The following RUNX1T1 variants were observed in gnomAD, a reference collection of about 807,000 sequenced individuals.
RUNX1T1 encodes RUNX1 partner transcriptional co-repressor 1, also known as protein CBFA2T1.
RUNX1T1 carries 4 observed loss-of-function variants against 62.8 expected under a neutral mutation model. That is an observed-to-expected ratio of 0.06 (90% confidence interval 0.03 to 0.15). RUNX1T1 has a LOEUF of 0.15. Ranked by LOEUF, RUNX1T1 falls within the 10% of genes least tolerant of loss-of-function variation. The probability of loss-of-function intolerance (pLI) is 1.00; values close to 1 mark genes in which losing one functional copy is unlikely to be tolerated. For synonymous variants in RUNX1T1, 291 were observed against 286.0 expected (o/e 1.02, Z -0.18); for missense variants, 508 against 754.3 (o/e 0.67, Z 3.82).
In RUNX1T1 at chr8:92,081,920, C is replaced by G. The variant is rs189363727; in HGVS notation, c.-85-5783G>C. 3.3e-5 allele frequency among the ~76,000 whole-genome samples: 5 copies of G among 152,224 alleles called. No homozygotes were observed. The East Asian group carries it at 7.7e-4, about 24-fold the overall frequency. On this transcript the variant is annotated intron_variant, in intron 1 of 11. Coordinates refer to the RUNX1T1 transcript ENST00000265814. Reference sequence around the variant, plus strand: ...TATTTATTTGAGATGGAGTCTCACTCTGTCGCCCAGGCTGGAGTGAAGTGG... The same window carrying G: ...TATTTATTTGAGATGGAGTCTCACTGTGTCGCCCAGGCTGGAGTGAAGTGG...
At chr8:92,037,242 T>C (rs75133590) in intron 1 of RUNX1T1, among the ~76,000 whole-genome samples, 1,609 of 152,316 alleles carry the variant, frequency 0.011, 21 homozygotes, top group African/African-American at 0.036. Context: ...ATGCTGATGT[T>C]GAGAAGGAGG....
At chr8:91,994,735 T>A (rs1422746870) in intron 5 of RUNX1T1, 2 of 398,688 alleles carry the variant, frequency 5.0e-6, no homozygotes, top group African/African-American at 4.1e-5. Flanking sequence ...TTCTCAAGAT[T>A]TAAAGTGCCA....
At chr8:91,986,210 T>C (rs370567980) in exon 8 of RUNX1T1, 7 of 1,614,016 alleles carry the variant, frequency 4.3e-6, no homozygotes, top group South Asian at 1.1e-5. Context: ...GTCCTCGGCG[T>C]CACTGTACCG....
chr8:92,084,581 A>AGATC (rs1293307674), intron 1 of RUNX1T1, among the ~76,000 whole-genome samples: 2 of 152,302 alleles, frequency 1.3e-5, no homozygotes, highest in African/African-American at 4.8e-5. Flanking sequence ...AAAGTACCCC[A>AGATC]ACTGTTCCAG....
exon 11 of RUNX1T1, chr8:91,959,873 C>A: frequency 3.4e-6 from 1 of 297,936 alleles, no homozygotes; most frequent in Non-Finnish European, 6.4e-6. Flanking sequence ...CAGCAATTAG[C>A]AATCTCTTGG....
At chr8:92,045,133 A>T (rs924222282) in intron 1 of RUNX1T1, among the ~76,000 whole-genome samples, 2 of 152,066 alleles carry the variant, frequency 1.3e-5, no homozygotes, top group African/African-American at 2.4e-5. Context: ...ATGGAAAATA[A>T]AAGTATAGAA....
intron 4 of RUNX1T1, 82 bp downstream of exon 5, chr8:92,010,919 TA>T (rs1821799670): frequency 1.3e-6 from 1 of 749,798 alleles, no homozygotes; most frequent in Non-Finnish European, 2.4e-6. Flanking sequence ...AAAGAGCCCC[TA>T]AATGTACTAA....
chr8:92,027,742 T>C (rs1825483373), intron 1 of RUNX1T1, among the ~76,000 whole-genome samples: 1 of 152,130 alleles, frequency 6.6e-6, no homozygotes, highest in Admixed American at 6.5e-5. Context: ...CTATGGTCTT[T>C]AATGGGAGTG....
In RUNX1T1 at chr8:92,068,537, G is replaced by A. The variant is rs866146570; in HGVS notation, c.88+7428C>T. Among the ~76,000 whole-genome samples the A allele has an allele frequency of 1.9e-4, 29 of 152,058 alleles. 1 individual carries two copies. The highest frequency in any genetic ancestry group is 1.5e-4 in the Non-Finnish European group (10 of 68,000). On this transcript the variant is annotated intron_variant, in intron 2 of 11. Transcript: ENST00000265814. The stretch of plus-strand genomic sequence containing the variant: ...TCGAGAGCTCTGTGGGGCTATTCAT[G>A]ACATACCAATTTCACATTTTCTGCT...
intron 1 of RUNX1T1, among the ~76,000 whole-genome samples, chr8:92,020,384 AG>A (rs1823847617): frequency 6.6e-6 from 1 of 152,216 alleles, no homozygotes; most frequent in Non-Finnish European, 1.5e-5. Flanking sequence ...TTCAAATTAG[AG>A]GACATGGTAA....
chr8:92,061,610 C>T (rs926266573), intron 1 of RUNX1T1, among the ~76,000 whole-genome samples: 30 of 152,194 alleles, frequency 2.0e-4, no homozygotes, highest in Non-Finnish European at 1.9e-4. Context: ...CTTCAAACAA[C>T]TGGCAATACC....
chr8:91,959,419 TG>T (rs1809891279), exon 11 of RUNX1T1: 1 of 66,110 alleles, frequency 1.5e-5, no homozygotes, highest in Non-Finnish European at 2.8e-5. Context: ...TACTTGTGTG[TG>T]TGTGTGTGTG....
chr8:91,991,834 G>T (rs200629809), exon 6 of RUNX1T1: 137 of 1,614,010 alleles, frequency 8.5e-5, no homozygotes, highest in Non-Finnish European at 1.1e-4. Flanking sequence ...GTGCATGGTC[G>T]CTTGCTTGGA....
intron 1 of RUNX1T1, among the ~76,000 whole-genome samples, chr8:92,078,828 CT>C (rs1289640348): frequency 6.6e-6 from 1 of 152,320 alleles, no homozygotes; most frequent in Admixed American, 6.5e-5. Context: ...ATACAGAATA[CT>C]TTTTTGATCA....
intron 1 of RUNX1T1, among the ~76,000 whole-genome samples, chr8:92,057,763 T>C (rs919973568): frequency 2.0e-5 from 3 of 152,208 alleles, no homozygotes; most frequent in African/African-American, 4.8e-5. Flanking sequence ...TGTGAAATCC[T>C]ATTGTTCTCA....
intron 1 of RUNX1T1, among the ~76,000 whole-genome samples, chr8:92,035,849 G>A (rs1827315067): frequency 1.3e-5 from 2 of 151,930 alleles, no homozygotes; most frequent in Admixed American, 1.3e-4. Flanking sequence ...GTAAAAGCAA[G>A]CATACCTTTT....
At chr8:92,036,533 C>T (rs975825101) in intron 1 of RUNX1T1, among the ~76,000 whole-genome samples, 1 of 152,166 alleles carries the variant, frequency 6.6e-6, no homozygotes, top group Non-Finnish European at 1.5e-5. Flanking sequence ...TGAGTGACAG[C>T]AAGAAAAACT....
intron 8 of RUNX1T1, among the ~76,000 whole-genome samples, chr8:91,981,695 G>A (rs1050425952): frequency 6.6e-5 from 10 of 151,898 alleles, no homozygotes; most frequent in Non-Finnish European, 1.5e-5. Flanking sequence ...GATTACAGGC[G>A]TCAGCCAACA....
intron 6 of RUNX1T1, among the ~76,000 whole-genome samples, chr8:91,989,108 T>C (rs529761478): frequency 1.3e-5 from 2 of 152,238 alleles, no homozygotes; most frequent in South Asian, 4.1e-4. Context: ...CAACTGATTA[T>C]TTTGTTTTAG....
Sources: gnomAD v4.1 joint callset for allele counts (sites outside exome capture counted in the v4.1 genomes callset) on GRCh38, gnomAD v4.1.1 for gene constraint, MANE v1.5 for transcripts, NCBI Gene and HGNC (gene_info 2026-07-23, HGNC 2026-07-21) for gene names.